The following PCDHGB3 variants were observed in gnomAD, a reference collection of about 807,000 sequenced individuals.
PCDHGB3 encodes the protein protocadherin gamma subfamily B, 3.
Under a neutral mutation model 59.2 loss-of-function variants are expected in PCDHGB3, and 40 were observed. The ratio of observed to expected loss-of-function variants is 0.68; its 90% CI spans 0.52 to 0.88. PCDHGB3 has a LOEUF of 0.88. Among genes scored for constraint, PCDHGB3 ranks in the 40% least tolerant of loss-of-function variants. PCDHGB3 has a pLI of 0.00. For missense variants in PCDHGB3, 1,309 were observed against 1,187.9 expected (o/e 1.10, Z -1.50); for synonymous variants, 581 against 503.6 (o/e 1.15, Z -2.06).
At position 141,490,776 on chromosome 5, in the gene PCDHGB3, G is replaced by A. The variant is rs1234115299; in HGVS notation, c.2416-4031G>A. 4.3e-6 allele frequency: 7 copies of A among 1,614,162 alleles called. No individual in the cohort carries two copies. Among genetic ancestry groups the A allele is most frequent in the African/African-American group, 1.3e-5 (1 of 75,066 alleles). On this transcript the variant is annotated intron_variant, in intron 1 of 3. Transcript: ENST00000576222. This position sits in a 1 kb window ranked among gnomAD's most constrained non-coding sequence, Gnocchi z 5.4. ...CCTCCTTTGTGTATGTCAACCCAGA[G>A]GATGGACGGATCTTTGCCCAGCGTA...
chr5:141,465,043 T>C (rs1404714692), intron 1 of PCDHGB3, among the ~76,000 whole-genome samples: 2 of 152,030 alleles, frequency 1.3e-5, no homozygotes, highest in Non-Finnish European at 2.9e-5. Context: ...CAAATGACCC[T>C]ATATATTTTT....
rs748462670 is a variant in PCDHGB3, at chr5:141,478,010, C to T, written c.2416-16797C>T. Reference sequence around the variant, plus strand: ...GCACACTGGTCAAATCAGTACTGCCCGTCCAGTCCAAGACACAGATTCACC... The same window carrying T: ...GCACACTGGTCAAATCAGTACTGCCTGTCCAGTCCAAGACACAGATTCACC... On this transcript the variant is annotated intron_variant, in intron 1 of 3. Coordinates refer to ENST00000576222, the MANE Select transcript of PCDHGB3 (RefSeq NM_018924.5). 9 of 1,614,008 alleles carry T rather than the reference C, an allele frequency of 5.6e-6. No homozygotes were observed. The highest frequency in any genetic ancestry group is 1.7e-5 in the Admixed American group (1 of 59,998).
intron 1 of PCDHGB3, among the ~76,000 whole-genome samples, chr5:141,448,106 A>G (rs1308837314): frequency 1.3e-5 from 2 of 151,996 alleles, no homozygotes. Context: ...AAATTAAAAG[A>G]AAAGAAAATT....
chr5:141,441,811 C>A (rs1007948586), intron 1 of PCDHGB3: 2 of 370,710 alleles, frequency 5.4e-6, no homozygotes, highest in African/African-American at 2.2e-5. Flanking sequence ...GTGCTGTACC[C>A]CAGCTCTGGA....
chr5:141,491,578 C>G lies in PCDHGB3; in HGVS notation c.2416-3229C>G, dbSNP rs1438933474. ...CCACTGCTACAGGACGTGCTTTTCA[C>G]CGGCCTCGGACGGCAGTGACTTCAC... On this transcript the variant is annotated intron_variant, in intron 1 of 3. Transcript: ENST00000576222. This position sits in a 1 kb window ranked among gnomAD's most constrained non-coding sequence, Gnocchi z 6.9. The G allele has an allele frequency of 1.9e-6, 3 of 1,614,006 alleles. No individual in the cohort carries two copies. Among genetic ancestry groups the G allele is most frequent in the Non-Finnish European group, 2.5e-6 (3 of 1,180,036 alleles).
rs998267605 is a variant in PCDHGB3 at position 141,383,657 on chromosome 5, A to T, written c.2415+10848A>T. The stretch of plus-strand genomic sequence containing the variant: ...CCTCAGTACCAAGTAACTGTCCCCG[A>T]GAATGTGCCAGTGGGTACAAGACTG... On this transcript the variant is annotated intron_variant, in intron 1 of 3. Transcript: ENST00000576222. 6 of 1,614,058 alleles carry T rather than the reference A, an allele frequency of 3.7e-6. No homozygotes were observed. In the East Asian group the frequency reaches 1.3e-4, roughly 36 times the overall value.
intron 1 of PCDHGB3, among the ~76,000 whole-genome samples, chr5:141,462,688 A>G (rs919098530): frequency 3.9e-5 from 6 of 152,126 alleles, no homozygotes; most frequent in African/African-American, 1.4e-4. Flanking sequence ...TTTTGAGCAC[A>G]TTTATAATGG....
chr5:141,449,830 T>G (rs1316368063), intron 1 of PCDHGB3, among the ~76,000 whole-genome samples: 1 of 151,724 alleles, frequency 6.6e-6, no homozygotes, highest in Non-Finnish European at 1.5e-5. Flanking sequence ...AAGGACATTC[T>G]TTTATATAAT....
At chr5:141,418,667 G>A (rs1561775322) in intron 1 of PCDHGB3, 1 of 1,614,036 alleles carries the variant, frequency 6.2e-7, no homozygotes, top group Admixed American at 1.7e-5. Flanking sequence ...CACTGACCAG[G>A]ACGAGGGCAT....
intron 1 of PCDHGB3, among the ~76,000 whole-genome samples, chr5:141,454,065 G>A (rs1167102666): frequency 1.3e-5 from 2 of 152,204 alleles, no homozygotes; most frequent in Non-Finnish European, 2.9e-5. Flanking sequence ...AGAAACAAAA[G>A]TGATAATGTT....
In PCDHGB3 at chr5:141,489,537, C is replaced by T. The variant is rs2099688580; in HGVS notation, c.2416-5270C>T. 6.2e-6 allele frequency: 10 copies of T among 1,614,118 alleles called. No homozygotes were observed. Among genetic ancestry groups the T allele is most frequent in the Non-Finnish European group, 8.5e-6 (10 of 1,180,028 alleles). ...ACCGAGAAAGCCTATGTGGAGCCAG[C>T]ACCAGCTGCCTGCTGCCAGTGCAGG... On this transcript the variant is annotated intron_variant, in intron 1 of 3. Transcript: ENST00000576222. This position sits in a 1 kb window ranked among gnomAD's most constrained non-coding sequence, Gnocchi z 4.5.
chr5:141,474,908 T>C (rs1016814167), intron 1 of PCDHGB3, among the ~76,000 whole-genome samples: 7 of 152,242 alleles, frequency 4.6e-5, no homozygotes, highest in African/African-American at 1.4e-4. Flanking sequence ...TGTTCAAGGA[T>C]ATACATCTCA....
chr5:141,429,379 T>G (rs573911129), intron 1 of PCDHGB3, among the ~76,000 whole-genome samples: 5 of 151,382 alleles, frequency 3.3e-5, no homozygotes, highest in East Asian at 1.9e-4. Context: ...GAAAATGTGT[T>G]TTTTTTTTAA....
chr5:141,424,699 G>A (rs185769714), intron 1 of PCDHGB3: 222 of 152,060 alleles, frequency 1.5e-3, no homozygotes, highest in African/African-American at 5.2e-3. Flanking sequence ...CTATTTTTTT[G>A]TTCATTTTCA....
chr5:141,391,196 T>C (rs887079701), intron 1 of PCDHGB3: 1 of 152,158 alleles, frequency 6.6e-6, no homozygotes, highest in Non-Finnish European at 1.5e-5. Flanking sequence ...ACAAAATATA[T>C]ACAAAATACC....
chr5:141,462,354 C>T (rs1157515386), intron 1 of PCDHGB3, among the ~76,000 whole-genome samples: 1 of 152,162 alleles, frequency 6.6e-6, no homozygotes, highest in Non-Finnish European at 1.5e-5. Flanking sequence ...CAAAAATATA[C>T]ATTGTATAGT....
chr5:141,397,919 C>G (rs1158998805), intron 1 of PCDHGB3: 2 of 723,460 alleles, frequency 2.8e-6, no homozygotes, highest in East Asian at 5.5e-5. Flanking sequence ...TCCAGATCTC[C>G]TCGCGCAGCC....
rs1688094877 is a variant in PCDHGB3 at position 141,432,625 on chromosome 5, C to T, written c.2415+59816C>T. 1.2e-6 allele frequency: 2 copies of T among 1,613,240 alleles called. No individual in the cohort carries two copies. The highest frequency in any genetic ancestry group is 1.7e-6 in the Non-Finnish European group (2 of 1,179,778). ...CGGGACTCTTCTCGGTGGGTCTGCA[C>T]ACGGGCGAGGTGCGCACGGCGCGAG... On this transcript the variant is annotated intron_variant, in intron 1 of 3. Coordinates refer to ENST00000576222, the MANE Select transcript of PCDHGB3 (RefSeq NM_018924.5). The surrounding 1 kb of genome is among the most constrained non-coding windows in gnomAD (Gnocchi z 6.0).
At chr5:141,414,435 C>G (rs891322256) in intron 1 of PCDHGB3, 2 of 1,613,678 alleles carry the variant, frequency 1.2e-6, no homozygotes, top group African/African-American at 1.3e-5. Context: ...AACAGGTATC[C>G]TCTTACAATA....
Sources: allele counts gnomAD v4.1 joint callset (sites outside exome capture counted in the v4.1 genomes callset), GRCh38; gene constraint gnomAD v4.1.1; non-coding constraint Gnocchi (gnomAD v3.1); transcripts MANE v1.5; gene names NCBI Gene and HGNC (gene_info 2026-07-23, HGNC 2026-07-21).